The following CALN1 variants were observed in gnomAD, a reference collection of about 807,000 sequenced individuals.
The protein encoded by CALN1 is calneuron 1.
In CALN1, 17 loss-of-function variants were observed where a neutral mutation model predicts 30.6. The ratio of observed to expected loss-of-function variants is 0.56; its 90% CI spans 0.38 to 0.83. CALN1 has a LOEUF of 0.83. Among genes scored for constraint, CALN1 ranks in the 40% least tolerant of loss-of-function variants. The pLI is 0.00. For synonymous variants in CALN1, 156 were observed against 131.4 expected, an observed-to-expected ratio of 1.19 and a Z score of -1.28; for missense variants, 291 against 354.9, an observed-to-expected ratio of 0.82 and a Z score of 1.45.
Position 72,238,789 on chromosome 7 carries a change from T to G in CALN1, c.244+39897A>C, listed in dbSNP as rs140776545. On this transcript the variant is annotated intron_variant, in intron 3 of 6. Coordinates refer to ENST00000395275, the MANE Select transcript of CALN1 (RefSeq NM_031468.4). ...AAGTTTCCTGAGACCTCCTCAGCCC[T>G]GTAGAACTGTAAGTCAATTAAACCT... 7.9e-5 allele frequency among the ~76,000 whole-genome samples: 12 copies of G among 152,330 alleles called. No homozygotes were observed. The East Asian group carries it at 2.1e-3, about 27-fold the overall frequency.
chr7:72,007,841 A>T (rs1352267607), intron 5 of CALN1, among the ~76,000 whole-genome samples: 2 of 152,230 alleles, frequency 1.3e-5, no homozygotes, highest in Non-Finnish European at 2.9e-5. Flanking sequence ...TGCTGGGATT[A>T]TAGCCATGAG....
chr7:72,141,774 G>A (rs377141560), intron 3 of CALN1, among the ~76,000 whole-genome samples: 1 of 151,972 alleles, frequency 6.6e-6, no homozygotes, highest in African/African-American at 2.4e-5. Context: ...TCACCATGTT[G>A]GTCAGGCTGG....
chr7:71,843,999 C>A (rs532137220), intron 5 of CALN1, among the ~76,000 whole-genome samples: 1 of 151,992 alleles, frequency 6.6e-6, no homozygotes, highest in Admixed American at 6.6e-5. Context: ...ATCTCGGTGA[C>A]TTTTTGGTTG....
At chr7:72,428,344 G>A (rs1807861920) in intron 1 of CALN1, among the ~76,000 whole-genome samples, 1 of 151,912 alleles carries the variant, frequency 6.6e-6, no homozygotes, top group Admixed American at 6.6e-5. Context: ...GGCGATTTTT[G>A]GAAGTGAGAA....
At chr7:71,937,210 T>C (rs371927007) in intron 5 of CALN1, among the ~76,000 whole-genome samples, 17 of 130,806 alleles carry the variant, frequency 1.3e-4, no homozygotes, top group African/African-American at 3.6e-4. Flanking sequence ...GGGAGGCTGC[T>C]TGAACAGGAG....
intron 3 of CALN1, among the ~76,000 whole-genome samples, chr7:72,217,776 G>A (rs1023672138): frequency 2.0e-5 from 3 of 150,424 alleles, no homozygotes; most frequent in Admixed American, 6.7e-5. Context: ...CCAGAAGTTC[G>A]AGATCAGCTT....
intron 2 of CALN1, among the ~76,000 whole-genome samples, chr7:72,402,707 C>T (rs573487251): frequency 6.6e-5 from 10 of 151,972 alleles, no homozygotes; most frequent in Non-Finnish European, 1.5e-4. Flanking sequence ...CCGAACTGAC[C>T]GCATCAATGA....
intron 2 of CALN1, among the ~76,000 whole-genome samples, chr7:72,297,477 C>A (rs1275511193): frequency 6.6e-6 from 1 of 152,156 alleles, no homozygotes; most frequent in Non-Finnish European, 1.5e-5. Context: ...CTACATGCAA[C>A]TCCAGACTAA....
At chr7:71,931,629 T>G (rs1433005449) in intron 5 of CALN1, among the ~76,000 whole-genome samples, 1 of 152,232 alleles carries the variant, frequency 6.6e-6, no homozygotes, top group East Asian at 1.9e-4. Flanking sequence ...GCTGATGGAC[T>G]GTAATTTCAC....
At chr7:71,992,245 C>G (rs1309275444) in intron 5 of CALN1, among the ~76,000 whole-genome samples, 1 of 152,184 alleles carries the variant, frequency 6.6e-6, no homozygotes, top group Non-Finnish European at 1.5e-5. Context: ...AGAAAATAAA[C>G]TGTAACTAAC....
rs981187881 is a variant in CALN1 at position 72,029,359 on chromosome 7, C to T, written c.389-5590G>A. ...CCAATCTTCTGACCTCGTGATCCGCCCACCTCAGCCTCCCAAAGTGCTGGG... is the reference window on the plus strand; with the variant it reads ...CCAATCTTCTGACCTCGTGATCCGCTCACCTCAGCCTCCCAAAGTGCTGGG... On this transcript the variant is annotated intron_variant, in intron 4 of 6. Transcript: ENST00000395275. Among the ~76,000 whole-genome samples the T allele has an allele frequency of 5.9e-5, 9 of 152,232 alleles. No homozygotes were observed. The East Asian group carries it at 1.7e-3, about 30-fold the overall frequency.
At chr7:72,295,287 A>G (rs1386025428) in intron 2 of CALN1, among the ~76,000 whole-genome samples, 1 of 152,220 alleles carries the variant, frequency 6.6e-6, no homozygotes, top group Non-Finnish European at 1.5e-5. Context: ...GAAAATGGAA[A>G]CAATACTTAT....
At chr7:72,174,170 C>A (rs1361363295) in intron 3 of CALN1, among the ~76,000 whole-genome samples, 1 of 151,900 alleles carries the variant, frequency 6.6e-6, no homozygotes, top group Non-Finnish European at 1.5e-5. Flanking sequence ...TAGGAAAAGG[C>A]AAATAGAAAC....
rs150995872 is a variant in CALN1, at chr7:72,381,489, C to T, written c.119+21762G>A. ...AAGAAAATGTGGCACATATATACCA[C>T]GAATACTATGCAGCCATAAAAAAGA... On this transcript the variant is annotated intron_variant, in intron 2 of 6. Transcript: ENST00000395275. 4.1e-3 allele frequency among the ~76,000 whole-genome samples: 620 copies of T among 152,196 alleles called. 3 individuals carry two copies. Among genetic ancestry groups the T allele is most frequent in the African/African-American group, 0.014 (588 of 41,512 alleles).
At chr7:72,439,947 A>G (rs777915063) in intron 1 of CALN1, among the ~76,000 whole-genome samples, 1 of 152,102 alleles carries the variant, frequency 6.6e-6, no homozygotes, top group Non-Finnish European at 1.5e-5. Flanking sequence ...TTGCTGTCTC[A>G]GGGGTGGTGG....
intron 5 of CALN1, among the ~76,000 whole-genome samples, chr7:71,950,786 T>G (rs1277509939): frequency 6.6e-6 from 1 of 152,226 alleles, no homozygotes; most frequent in Admixed American, 6.5e-5. Flanking sequence ...TCCCTCAGTC[T>G]GCTCCAGCCA....
At chr7:71,841,708 G>A (rs1281196442) in intron 5 of CALN1, among the ~76,000 whole-genome samples, 1 of 152,146 alleles carries the variant, frequency 6.6e-6, no homozygotes, top group East Asian at 1.9e-4. Flanking sequence ...CAGCCACATG[G>A]ATGCAGCTGG....
At chr7:71,870,380 C>T (rs144644294) in intron 5 of CALN1, among the ~76,000 whole-genome samples, 1,389 of 138,038 alleles carry the variant, frequency 0.01, 27 homozygotes, top group African/African-American at 0.039. Context: ...GAAACTCCAT[C>T]TAAAAAAAAA....
chr7:72,127,026 C>A (rs1392960467), intron 3 of CALN1, among the ~76,000 whole-genome samples: 2 of 151,830 alleles, frequency 1.3e-5, no homozygotes, highest in Admixed American at 6.6e-5. Flanking sequence ...GTTCCTTGGG[C>A]CTCCAAGGGT....
Sources: allele counts gnomAD v4.1 joint callset (sites outside exome capture counted in the v4.1 genomes callset), GRCh38; gene constraint gnomAD v4.1.1; transcripts MANE v1.5; gene names NCBI Gene and HGNC (gene_info 2026-07-23, HGNC 2026-07-21).